The following MEPE variants were observed in gnomAD, a reference collection of about 807,000 sequenced individuals.
MEPE encodes matrix, extracellular phosphoglycoprotein with ASARM motif (bone).
Under a neutral mutation model 7.3 loss-of-function variants are expected in MEPE, and 7 were observed. The ratio of observed to expected loss-of-function variants is 0.95; its 90% CI spans 0.54 to 1.79. The LOEUF is 1.79. Ranked by LOEUF, MEPE falls within the 40% of genes most tolerant of loss-of-function variation. The pLI is 0.00. For missense variants in MEPE, 623 were observed against 628.2 expected, an observed-to-expected ratio of 0.99 and a Z score of 0.09; for synonymous variants, 214 against 213.1, an observed-to-expected ratio of 1.00 and a Z score of -0.04.
intron 3 of MEPE, chr4:87,840,027 C>T: frequency 6.5e-7 from 1 of 1,535,468 alleles, no homozygotes; most frequent in Non-Finnish European, 8.7e-7. Context: ...GGACCTGTGG[C>T]TGCAGGTGTG....
rs3840302 is a variant in MEPE at position 87,845,144 on chromosome 4, TAGAC to T, written c.280_283del (p.Gln94AspfsTer2). 4.3e-6 allele frequency: 7 copies of T among 1,613,660 alleles called. No individual in the cohort carries two copies. In the East Asian group the frequency reaches 6.7e-5, roughly 15 times the overall value. The stretch of plus-strand genomic sequence containing the variant: ...GTAAATCTCAAAATTATTTCACAAA[TAGAC>T]AGAGACTGAATAAAGAATATAGTAT... On this transcript the variant is annotated frameshift_variant, in exon 4 of 4. Coordinates refer to ENST00000361056, the MANE Select transcript of MEPE (RefSeq NM_020203.6). LOFTEE classifies it low-confidence loss of function (END_TRUNC).
chr4:87,841,149 T>C (rs1049879838), intron 3 of MEPE, among the ~76,000 whole-genome samples: 13 of 152,046 alleles, frequency 8.6e-5, no homozygotes, highest in African/African-American at 3.1e-4. Flanking sequence ...GCACCGAAAA[T>C]AAAACATAAC....
At chr4:87,837,979 C>T (rs1367721975) in intron 2 of MEPE, among the ~76,000 whole-genome samples, 1 of 152,082 alleles carries the variant, frequency 6.6e-6, no homozygotes, top group African/African-American at 2.4e-5. Flanking sequence ...CCCTACGCTA[C>T]CCTCAAGAAA....
At position 87,845,214 on chromosome 4, in the gene MEPE, A is replaced by G; in HGVS notation, c.346A>G (p.Ile116Val). ...ENTHNGLRMS[I>V]YPKSTGNKGF... ...TACTCACAATGGCCTGAGGATGTCA[A>G]TTTATCCTAAGTCAACTGGGAATAA... The change falls in exon 4 of 4, where the codon ATT becomes GTT. Residue 116 changes from isoleucine to valine, a missense_variant. Transcript: ENST00000361056. 1.1e-5 allele frequency: 18 copies of G among 1,614,016 alleles called. No homozygotes were observed. Among genetic ancestry groups the G allele is most frequent in the Non-Finnish European group, 1.5e-5 (18 of 1,179,952 alleles).
At position 87,822,899 on chromosome 4, in the gene MEPE, A is replaced by G. The variant is rs539355233; in HGVS notation, c.-13+1428A>G. Among the ~76,000 whole-genome samples, 7 of 152,300 alleles carry G rather than the reference A, an allele frequency of 4.6e-5. No individual in the cohort carries two copies. In the South Asian group the frequency reaches 1.5e-3, roughly 32 times the overall value. On this transcript the variant is annotated intron_variant, in intron 1 of 3. Coordinates refer to the MEPE transcript ENST00000424957. ...AGGAGGAATTGCAGGGTACTTTGCC[A>G]AGACTCAGGTTGTACTGCAGTCAAT...
At chr4:87,837,801 G>T (rs1197740218) in intron 2 of MEPE, 1 of 152,158 alleles carries the variant, frequency 6.6e-6, no homozygotes, top group East Asian at 1.9e-4. Context: ...GAGAATTAAA[G>T]AACTTACATC....
chr4:87,823,292 C>G (rs1722387222), intron 1 of MEPE, among the ~76,000 whole-genome samples: 1 of 152,136 alleles, frequency 6.6e-6, no homozygotes, highest in African/African-American at 2.4e-5. Context: ...CCAGGATCAC[C>G]CTGTATTTTG....
chr4:87,844,904 T>C (rs1723150799), intron 3 of MEPE, 73 bp from the exon 4 acceptor site: 21 of 1,126,732 alleles, frequency 1.9e-5, no homozygotes, highest in Admixed American at 1.3e-4. Context: ...ATGGTTTTTA[T>C]ATTGCCTAAG....
upstream of MEPE, among the ~76,000 whole-genome samples, chr4:87,829,901 G>T: frequency 2.4e-5 from 3 of 125,034 alleles, no homozygotes; most frequent in African/African-American, 3.2e-5. Flanking sequence ...CTGAAATTCT[G>T]GTCATGGATA....
chr4:87,834,760 G>C lies in MEPE; in HGVS notation c.46G>C (p.Ala16Pro). The C allele has an allele frequency of 6.2e-7, 1 of 1,611,712 alleles. No individual in the cohort carries two copies. The highest frequency in any genetic ancestry group is 8.5e-7 in the Non-Finnish European group (1 of 1,178,954). Residue 16 changes from alanine (A) to proline (P), a missense_variant, in exon 2 of 4, where the codon GCA (alanine) becomes CCA (proline). Coordinates refer to ENST00000361056, the MANE Select transcript of MEPE (RefSeq NM_020203.6). ...VGLLLFSVTWAAPTFQPQTEK... is the reference protein window; with the variant it reads ...VGLLLFSVTWPAPTFQPQTEK... ...ACTACTCCTTTTCAGTGTGACCTGG[G>C]CAGCACCAGTAAGTATTTACAAATT...
Position 87,846,345 on chromosome 4 carries a change from G to C in MEPE, c.1477G>C (p.Gly493Arg), listed in dbSNP as rs761685582. ...KGMPQGKGSWGRQPHSNRRFS... is the reference protein window; with the variant it reads ...KGMPQGKGSWRRQPHSNRRFS... ...TATGCCACAAGGGAAAGGCTCCTGGGGTAGACAACCCCATTCCAACAGGAG... is the reference window on the plus strand; with the variant it reads ...TATGCCACAAGGGAAAGGCTCCTGGCGTAGACAACCCCATTCCAACAGGAG... Residue 493 changes from glycine to arginine, a missense_variant, in exon 4 of 4, where the codon GGT becomes CGT. By Grantham distance (125) the Gly-to-Arg change is moderately radical. Transcript: ENST00000361056. The C allele has an allele frequency of 1.9e-6, 3 of 1,613,920 alleles. No homozygotes were observed. Among genetic ancestry groups the C allele is most frequent in the Non-Finnish European group, 2.5e-6 (3 of 1,179,976 alleles).
In MEPE at chr4:87,846,256, T is replaced by C; in HGVS notation, c.1388T>C (p.Ile463Thr). 6.2e-7 allele frequency: 1 copy of C among 1,613,952 alleles called. No homozygotes were observed. Among genetic ancestry groups the C allele is most frequent in the Non-Finnish European group, 8.5e-7 (1 of 1,179,944 alleles). The change falls in exon 4 of 4, where the codon ATA becomes ACA. Residue 463 changes from isoleucine to threonine, a missense_variant. Transcript: ENST00000361056. ...SFNGPSHENI[I>T]THGRKYHYVP... Reference sequence around the variant, plus strand: ...AATGGCCCCAGTCATGAGAATATAATAACACATGGCAGAAAATATCATTAT... The same window carrying C: ...AATGGCCCCAGTCATGAGAATATAACAACACATGGCAGAAAATATCATTAT...
intron 1 of MEPE, among the ~76,000 whole-genome samples, chr4:87,826,973 T>C (rs1215818891): frequency 6.6e-6 from 1 of 152,240 alleles, no homozygotes; most frequent in Non-Finnish European, 1.5e-5. Flanking sequence ...GATGATAGAT[T>C]CTTTTGCTGT....
chr4:87,845,633 C>T lies in MEPE; in HGVS notation c.765C>T (p.Phe255=). ...GAGGGGACAATGATATATCTCCTTT[C>T]AGTGGGGACGGCCAACCTTTTAAGG... ...QERGDNDISP[F]SGDGQPFKDI... is the part of the protein sequence containing the mutation. Residue 255 remains phenylalanine, a synonymous_variant, in exon 4 of 4, where the codon TTC becomes TTT. Transcript: ENST00000361056. 6.2e-7 allele frequency: 1 copy of T among 1,613,894 alleles called. No homozygotes were observed.
At chr4:87,823,521 A>G (rs1293040955) in intron 1 of MEPE, among the ~76,000 whole-genome samples, 1 of 152,220 alleles carries the variant, frequency 6.6e-6, no homozygotes, top group Non-Finnish European at 1.5e-5. Context: ...TTCTTTAACC[A>G]AAAAGGTAAA....
At chr4:87,840,699 C>T (rs996427499) in intron 3 of MEPE, among the ~76,000 whole-genome samples, 8 of 151,340 alleles carry the variant, frequency 5.3e-5, no homozygotes, top group Admixed American at 1.3e-4. Flanking sequence ...TGAGTAGTAC[C>T]GAGAAGAAAA....
chr4:87,827,787 G>A (rs2109989783), intron 1 of MEPE, among the ~76,000 whole-genome samples: 1 of 152,252 alleles, frequency 6.6e-6, no homozygotes, highest in African/African-American at 2.4e-5. Context: ...TGTAATAGAG[G>A]AATGGGTAAA....
intron 3 of MEPE, among the ~76,000 whole-genome samples, chr4:87,843,554 G>A (rs1723094630): frequency 6.6e-6 from 1 of 152,068 alleles, no homozygotes. Context: ...GGCCTATGTA[G>A]GGATGTTGTA....
chr4:87,823,392 G>T (rs554630312), intron 1 of MEPE, among the ~76,000 whole-genome samples: 25 of 152,284 alleles, frequency 1.6e-4, no homozygotes, highest in South Asian at 2.1e-4. Context: ...TAGCAGAGGG[G>T]ACCCATCTTT....
Sources: gnomAD v4.1 joint callset for allele counts (sites outside exome capture counted in the v4.1 genomes callset) on GRCh38, gnomAD v4.1.1 for gene constraint, MANE v1.5 for transcripts, NCBI Gene and HGNC (gene_info 2026-07-23, HGNC 2026-07-21) for gene names.